Variants in PSMD12 observed in about 807,000 individuals in gnomAD.
The protein encoded by PSMD12 is 26S proteasome non-ATPase regulatory subunit 12.
In PSMD12, 8 loss-of-function variants were observed where a neutral mutation model predicts 62.9. That is an observed-to-expected ratio of 0.13 (90% CI 0.07 to 0.23). PSMD12 has a LOEUF of 0.23. Among genes scored for constraint, PSMD12 ranks in the 10% least tolerant of loss-of-function variants. PSMD12 has a pLI of 1.00. For missense variants in PSMD12, 424 were observed against 550.2 expected (o/e 0.77, Z 2.29); for synonymous variants, 173 against 187.4 (o/e 0.92, Z 0.63).
At position 67,348,532 on chromosome 17, in the gene PSMD12, T is replaced by C. The variant is rs746821469; in HGVS notation, c.510+18A>G. The C allele has an allele frequency of 1.9e-5, 31 of 1,595,540 alleles. No homozygotes were observed. Among genetic ancestry groups the C allele is most frequent in the Middle Eastern group, 1.7e-4 (1 of 6,014 alleles). The stretch of plus-strand genomic sequence containing the variant: ...TGACAAAACAAAGTTTTACCAACTC[T>C]AAAATGCAATACCTTACCTGTAACT... On this transcript the variant is annotated intron_variant, in intron 5 of 10. Coordinates refer to ENST00000356126, the MANE Select transcript of PSMD12 (RefSeq NM_002816.5).
In PSMD12 at chr17:67,340,926, G is replaced by C. The variant is rs2041908668; in HGVS notation, c.1288C>G (p.Gln430Glu). 3 of 1,588,482 alleles carry C rather than the reference G, an allele frequency of 1.9e-6. No individual in the cohort carries two copies. The highest frequency in any genetic ancestry group is 2.3e-5 in the South Asian group (2 of 85,548). Residue 430 changes from glutamine to glutamate, a missense_variant, in exon 11 of 11, where the codon CAG becomes GAG. Gln to Glu is a conservative substitution (Grantham distance 29). Coordinates refer to ENST00000356126, the MANE Select transcript of PSMD12 (RefSeq NM_002816.5). ...DPNNLLNDWSQKLNSLMSLVN... is the reference protein window; with the variant it reads ...DPNNLLNDWSEKLNSLMSLVN... ...AGAGACATTAATGAGTTCAGTTTCT[G>C]AGACCAGTCATTTAATAAATTATTT... is the stretch of plus-strand genomic sequence containing the variant.
chr17:67,361,375 AG>A (rs2042126293), intron 1 of PSMD12: 2 of 152,222 alleles, frequency 1.3e-5, no homozygotes, highest in Non-Finnish European at 2.9e-5. Flanking sequence ...TGAGGTCAGG[AG>A]TTCAAGACCA....
chr17:67,362,635 C>T (rs1388252879), intron 1 of PSMD12: 5 of 145,598 alleles, frequency 3.4e-5, no homozygotes, highest in Non-Finnish European at 5.9e-5. Flanking sequence ...GCACTCCAGC[C>T]TGGGCAACAG....
intron 8 of PSMD12, 163 bp downstream of exon 8, chr17:67,345,582 C>T (rs989860440): frequency 8.6e-6 from 5 of 583,906 alleles, no homozygotes; most frequent in South Asian, 2.2e-5. Flanking sequence ...GCAGAAGTTG[C>T]AGTGAGCTGA....
chr17:67,348,668 AT>A lies in PSMD12; in HGVS notation c.406-15del, dbSNP rs1224591297. On this transcript the variant is annotated splice_polypyrimidine_tract_variant and intron_variant, in intron 4 of 10. Coordinates refer to ENST00000356126, the MANE Select transcript of PSMD12 (RefSeq NM_002816.5). ...TTCAACATAAATCTACAAATGAGAAATTTACACAATCAAAATTCCATGGAAA... is the reference window on the plus strand; with the variant it reads ...TTCAACATAAATCTACAAATGAGAAATTACACAATCAAAATTCCATGGAAA... The A allele has an allele frequency of 4.4e-6, 7 of 1,597,380 alleles. No individual in the cohort carries two copies. The East Asian group carries it at 1.6e-4, about 36-fold the overall frequency.
At chr17:67,355,497 T>A (rs548252033) in intron 3 of PSMD12, 1 of 152,336 alleles carries the variant, frequency 6.6e-6, no homozygotes, top group South Asian at 2.1e-4. Flanking sequence ...TTTAATACTA[T>A]CCTTACCCTA....
intron 7 of PSMD12, among the ~76,000 whole-genome samples, chr17:67,346,147 C>A (rs1340449467): frequency 6.6e-6 from 1 of 152,088 alleles, no homozygotes; most frequent in East Asian, 1.9e-4. Context: ...AATCCCAGCA[C>A]TTCGGGAGGC....
chr17:67,356,381 A>G (rs12952954), intron 3 of PSMD12, among the ~76,000 whole-genome samples: 72,122 of 149,400 alleles, frequency 0.48, 17,790 homozygotes, highest in Non-Finnish European at 0.55. Flanking sequence ...ACACGGTGAA[A>G]CCCCGTCTCT....
At chr17:67,342,438 A>T (rs1759535393) in intron 9 of PSMD12, 175 bp from the exon 10 acceptor site, 2 of 492,830 alleles carry the variant, frequency 4.1e-6, no homozygotes, top group East Asian at 6.7e-5. Context: ...AAAACTAAAT[A>T]CTTAGATATT....
rs2041907436 is a variant in PSMD12, at chr17:67,340,860, T to C, written c.1354A>G (p.Ile452Val). Residue 452 changes from isoleucine (I) to valine (V), a missense_variant, in exon 11 of 11, where the codon ATA becomes GTA. By Grantham distance (29) the Ile-to-Val change is conservative. Coordinates refer to ENST00000356126, the MANE Select transcript of PSMD12 (RefSeq NM_002816.5). ...TTHLIAKEEMIHNLQ is the reference protein window; with the variant it reads ...TTHLIAKEEMVHNLQ ...TAAGACCCTTATTGTAGATTATGTA[T>C]CATCTCCTCTTTGGCTATGAGATGC... is the stretch of plus-strand genomic sequence containing the variant. 23 of 1,581,142 alleles carry C rather than the reference T, an allele frequency of 1.5e-5. No individual in the cohort carries two copies. The highest frequency in any genetic ancestry group is 1.9e-5 in the Non-Finnish European group (22 of 1,169,324).
At chr17:67,344,427 G>A (rs1158098066) in intron 9 of PSMD12, among the ~76,000 whole-genome samples, 179 bp downstream of exon 9, 1 of 151,918 alleles carries the variant, frequency 6.6e-6, no homozygotes, top group Non-Finnish European at 1.5e-5. Context: ...CTACTACAGT[G>A]GGCATAGAAA....
chr17:67,363,144 C>T (rs12601131), intron 1 of PSMD12, among the ~76,000 whole-genome samples: 38,036 of 151,856 alleles, frequency 0.25, 5,104 homozygotes, highest in Non-Finnish European at 0.3. Context: ...ATTATTAAGT[C>T]TCTATATACA....
At position 67,345,767 on chromosome 17, in the gene PSMD12, ACTT is replaced by A; in HGVS notation, c.883_885del (p.Lys295del). 6.8e-6 allele frequency: 11 copies of A among 1,610,766 alleles called. No individual in the cohort carries two copies. The highest frequency in any genetic ancestry group is 9.3e-6 in the Non-Finnish European group (11 of 1,177,536). On this transcript the variant is annotated inframe_deletion, in exon 8 of 11. Coordinates refer to ENST00000356126, the MANE Select transcript of PSMD12 (RefSeq NM_002816.5). ...TACTTGTATTTGGGAATTTCTTCTAACTTCTTGTCACCACTTATTCGGTGAACC... is the reference window on the plus strand; with the variant it reads ...TACTTGTATTTGGGAATTTCTTCTAACTTGTCACCACTTATTCGGTGAACC...
chr17:67,343,853 G>C (rs1313156053), intron 9 of PSMD12, among the ~76,000 whole-genome samples: 1 of 151,990 alleles, frequency 6.6e-6, no homozygotes, highest in South Asian at 2.1e-4. Flanking sequence ...ACAGGTGTGC[G>C]CCACCACGCC....
At position 67,340,179 on chromosome 17, in the gene PSMD12, G is replaced by A. The variant is rs2041899026; in HGVS notation, c.*664C>T. The A allele has an allele frequency of 7.0e-6, 1 of 142,824 alleles. No homozygotes were observed. Among genetic ancestry groups the A allele is most frequent in the African/African-American group, 2.6e-5 (1 of 38,752 alleles). The allele number at this position is 142,824 out of a possible 1,614,324, so 8.8% of individuals were successfully genotyped here. A position where few individuals can be genotyped will look rare whatever the true frequency, so the allele number is the denominator to read the frequency against. ...TGTGTCAATTATGTCAGCTGATTCTGTTGAACAACTGATCAAGTGAGAGGA... is the reference window on the plus strand; with the variant it reads ...TGTGTCAATTATGTCAGCTGATTCTATTGAACAACTGATCAAGTGAGAGGA... On this transcript the variant is annotated 3_prime_UTR_variant, in exon 11 of 11. Transcript: ENST00000356126.
Position 67,340,754 on chromosome 17 carries a change from T to C in PSMD12, c.*89A>G. 9.6e-7 allele frequency: 1 copy of C among 1,046,922 alleles called. No homozygotes were observed. Among genetic ancestry groups the C allele is most frequent in the Non-Finnish European group, 1.3e-6 (1 of 751,624 alleles). 64.9% of individuals were successfully genotyped at this position (1,046,922 alleles called of 1,614,324 possible). A position where few individuals can be genotyped will look rare whatever the true frequency, so the allele number is the denominator to read the frequency against. On this transcript the variant is annotated 3_prime_UTR_variant, in exon 11 of 11. Coordinates refer to ENST00000356126, the MANE Select transcript of PSMD12 (RefSeq NM_002816.5). ...ATTTTAAAATTTAAGACAAAGAAGC[T>C]TAGAAAAAAAACCCCAACATATACA...
chr17:67,344,914 T>TCA, intron 8 of PSMD12, 134 bp from the exon 9 acceptor site: 1 of 722,632 alleles, frequency 1.4e-6, no homozygotes, highest in East Asian at 2.7e-5. Context: ...CACCATATGA[T>TCA]TATTGTGTAT....
chr17:67,347,503 C>T lies in PSMD12; in HGVS notation c.511-18G>A, dbSNP rs750982697. 6.3e-7 allele frequency: 1 copy of T among 1,593,706 alleles called. No homozygotes were observed. Among genetic ancestry groups the T allele is most frequent in the Non-Finnish European group, 8.5e-7 (1 of 1,173,700 alleles). On this transcript the variant is annotated intron_variant, in intron 5 of 10. Coordinates refer to ENST00000356126, the MANE Select transcript of PSMD12 (RefSeq NM_002816.5). The stretch of plus-strand genomic sequence containing the variant: ...GTTTCCACCTAGCACAGTAATTCCC[C>T]AAATAAGTTTATAATACTTTGCAAT...
intron 1 of PSMD12, among the ~76,000 whole-genome samples, chr17:67,358,187 T>A (rs2042094608): frequency 6.6e-6 from 1 of 152,154 alleles, no homozygotes. Flanking sequence ...CCTCCCAAAG[T>A]GCTGGGATTA....
Sources: allele counts gnomAD v4.1 joint callset (sites outside exome capture counted in the v4.1 genomes callset), GRCh38; gene constraint gnomAD v4.1.1; transcripts MANE v1.5; gene names NCBI Gene and HGNC (gene_info 2026-07-23, HGNC 2026-07-21).